The following TGFBR2 variants were observed in gnomAD, a reference collection of about 807,000 sequenced individuals.
The protein encoded by TGFBR2 is TGF-beta receptor type-2.
In TGFBR2, 18 loss-of-function variants were observed where a neutral mutation model predicts 49.0. The observed-to-expected ratio is 0.37, with a 90% confidence interval of 0.25 to 0.54. The LOEUF (loss-of-function observed/expected upper bound fraction) is 0.54, where lower values mean the gene tolerates loss of function less well. Ranked by LOEUF, TGFBR2 falls within the 20% of genes least tolerant of loss-of-function variation. The pLI is 0.85. For synonymous variants in TGFBR2, 282 were observed against 275.9 expected, an observed-to-expected ratio of 1.02 and a Z score of -0.22; for missense variants, 525 against 722.6, an observed-to-expected ratio of 0.73 and a Z score of 3.13.
intron 5 of TGFBR2, among the ~76,000 whole-genome samples, chr3:30,679,885 T>C (rs1181512429): frequency 6.6e-6 from 1 of 152,200 alleles, no homozygotes; most frequent in Non-Finnish European, 1.5e-5. Context: ...CCCAGCACTT[T>C]GGGATGCTGA....
rs149195553 is a variant in TGFBR2 at position 30,672,275 on chromosome 3, T to C, written c.1092T>C (p.Asp364=). The C allele has an allele frequency of 5.4e-5, 86 of 1,604,530 alleles. 1 individual carries two copies. The Admixed American group carries it at 1.2e-3, about 22-fold the overall frequency. ...LARGIAHLHS[D]HTPCGRPKMP... is the part of the protein sequence containing the mutation. ...GGGGGATTGCTCACCTCCACAGTGATCACACTCCATGTGGGAGGCCCAAGA... is the reference window on the plus strand; with the variant it reads ...GGGGGATTGCTCACCTCCACAGTGACCACACTCCATGTGGGAGGCCCAAGA... The change falls in exon 4 of 7, where the codon GAT becomes GAC. Residue 364 remains aspartate (D), a synonymous_variant. Transcript: ENST00000295754. The surrounding 1 kb of genome is among the most constrained non-coding windows in gnomAD (Gnocchi z 4.5).
chr3:30,688,460 G>A lies in TGFBR2; in HGVS notation c.1473G>A (p.Val491=), dbSNP rs752287982. 11 of 1,614,236 alleles carry A rather than the reference G, an allele frequency of 6.8e-6. No homozygotes were observed. Among genetic ancestry groups the A allele is most frequent in the Non-Finnish European group, 8.5e-6 (10 of 1,180,034 alleles). Residue 491 remains valine, a synonymous_variant, in exon 6 of 7, where the codon GTG becomes GTA. Transcript: ENST00000295754. ...GTGTCGAAAGCATGAAGGACAACGT[G>A]TTGAGAGATCGAGGGCGACCAGAAA... ...HPCVESMKDN[V]LRDRGRPEIP...
intron 1 of TGFBR2, among the ~76,000 whole-genome samples, chr3:30,607,290 G>C (rs1027299391): frequency 6.6e-6 from 1 of 152,246 alleles, no homozygotes; most frequent in African/African-American, 2.4e-5. Context: ...TTGAGAAGTT[G>C]GTTATCTGAA....
At chr3:30,636,157 G>T (rs1477363047) in intron 1 of TGFBR2, among the ~76,000 whole-genome samples, 2 of 48,604 alleles carry the variant, frequency 4.1e-5, no homozygotes, top group African/African-American at 1.8e-4. Context: ...ATATATGTAT[G>T]TGTGTGTGTG....
chr3:30,644,579 T>G (rs1442403431), intron 1 of TGFBR2, among the ~76,000 whole-genome samples, 168 bp from the exon 2 acceptor site: 1 of 152,172 alleles, frequency 6.6e-6, no homozygotes, highest in African/African-American at 2.4e-5. Flanking sequence ...TATTACAAAT[T>G]GCATACACCA....
chr3:30,650,113 C>G (rs181315564), intron 2 of TGFBR2, among the ~76,000 whole-genome samples, 157 bp from the exon 3 acceptor site: 1 of 152,122 alleles, frequency 6.6e-6, no homozygotes, highest in South Asian at 2.1e-4. Flanking sequence ...GGACAGCCTG[C>G]GAATGCTGGA....
At chr3:30,679,997 G>A (rs1006429347) in intron 5 of TGFBR2, among the ~76,000 whole-genome samples, 1 of 152,184 alleles carries the variant, frequency 6.6e-6, no homozygotes, top group Non-Finnish European at 1.5e-5. Flanking sequence ...ATGGTGGCGG[G>A]TGCCTGTAAT....
rs1451939394 is a variant in TGFBR2, at chr3:30,672,759, T to C, written c.1254+322T>C. On this transcript the variant is annotated intron_variant, in intron 4 of 6. Transcript: ENST00000295754. The surrounding 1 kb of genome is among the most constrained non-coding windows in gnomAD (Gnocchi z 4.5). ...ACTGTTAGTACTTTACCTCTATTTT[T>C]TCCCTCTCTTATGGTTGTACTCAGT... is the stretch of plus-strand genomic sequence containing the variant. Among the ~76,000 whole-genome samples, 1 of 152,198 alleles carries C rather than the reference T, an allele frequency of 6.6e-6. No individual in the cohort carries two copies. Among genetic ancestry groups the C allele is most frequent in the African/African-American group, 2.4e-5 (1 of 41,458 alleles).
intron 1 of TGFBR2, among the ~76,000 whole-genome samples, chr3:30,620,771 T>G (rs1205864510): frequency 1.3e-5 from 2 of 152,126 alleles, no homozygotes; most frequent in African/African-American, 4.8e-5. Context: ...GAGTCATAGA[T>G]GATTTCAGTC....
rs760495841 is a variant in TGFBR2 at position 30,648,461 on chromosome 3, C to CACAT, written c.264-1808_264-1807insCATA. Among the ~76,000 whole-genome samples, 22 of 79,284 alleles carry CACAT rather than the reference C, an allele frequency of 2.8e-4. 1 individual carries two copies. Among genetic ancestry groups the CACAT allele is most frequent in the African/African-American group, 8.7e-4 (20 of 22,934 alleles). 52.0% of individuals were successfully genotyped at this position (79,284 alleles called of 152,430 possible). A position where few individuals can be genotyped will look rare whatever the true frequency, so the allele number is the denominator to read the frequency against. ...ACACACACACACACACACACACACA[C>CACAT]AAAACTGTGGGGGCAGGGAGGAAGG... is the stretch of plus-strand genomic sequence containing the variant. On this transcript the variant is annotated intron_variant, in intron 2 of 6. Transcript: ENST00000295754.
chr3:30,642,714 C>G (rs908816290), intron 1 of TGFBR2, among the ~76,000 whole-genome samples: 1 of 151,310 alleles, frequency 6.6e-6, no homozygotes, highest in Non-Finnish European at 1.5e-5. Flanking sequence ...CGTGGTTTCA[C>G]TTTTTTTTTG....
At chr3:30,628,758 C>T (rs1263805016) in intron 1 of TGFBR2, among the ~76,000 whole-genome samples, 2 of 152,062 alleles carry the variant, frequency 1.3e-5, no homozygotes, top group Non-Finnish European at 2.9e-5. Context: ...TGACATGAGC[C>T]TTTACAGGTT....
intron 1 of TGFBR2, among the ~76,000 whole-genome samples, chr3:30,622,492 A>G (rs1698246705): frequency 6.6e-6 from 1 of 152,190 alleles, no homozygotes. Context: ...GAGAATATGT[A>G]AAATGTCTTT....
intron 1 of TGFBR2, among the ~76,000 whole-genome samples, chr3:30,610,751 A>G (rs1698014363): frequency 6.6e-6 from 1 of 152,216 alleles, no homozygotes; most frequent in South Asian, 2.1e-4. Flanking sequence ...AACATAGTAA[A>G]TGCTCAATAA....
chr3:30,680,440 A>G (rs1488722931), intron 5 of TGFBR2, among the ~76,000 whole-genome samples: 1 of 152,148 alleles, frequency 6.6e-6, no homozygotes, highest in Non-Finnish European at 1.5e-5. Context: ...TTGAGTACCT[A>G]TTGTGTCGCA....
rs1559458168 is a variant in TGFBR2, at chr3:30,648,453, CACACACA to C, written c.264-1816_264-1810del. Among the ~76,000 whole-genome samples, 21 of 136,790 alleles carry C rather than the reference CACACACA, an allele frequency of 1.5e-4. 2 individuals are homozygous for C. Among genetic ancestry groups the C allele is most frequent in the South Asian group, 4.6e-4 (2 of 4,348 alleles). 89.7% of individuals were successfully genotyped at this position (136,790 alleles called of 152,430 possible). A position where few individuals can be genotyped will look rare whatever the true frequency, so the allele number is the denominator to read the frequency against. On this transcript the variant is annotated intron_variant, in intron 2 of 6. Coordinates refer to ENST00000295754, the MANE Select transcript of TGFBR2 (RefSeq NM_003242.6). ...ACACACACACACACACACACACACA[CACACACA>C]CAAAACTGTGGGGGCAGGGAGGAAG...
rs186113615 is a variant in TGFBR2, at chr3:30,662,812, A to C, written c.455-8826A>C. On this transcript the variant is annotated intron_variant, in intron 3 of 6. Coordinates refer to ENST00000295754, the MANE Select transcript of TGFBR2 (RefSeq NM_003242.6). ...CAGAGCTTTGCAAACAATTCCACTA[A>C]GAAATTTTTTGTAGGAGGAAAGCAT... Among the ~76,000 whole-genome samples, 308 of 152,340 alleles carry C rather than the reference A, an allele frequency of 2.0e-3. 2 individuals carry two copies. Among genetic ancestry groups the C allele is most frequent in the Non-Finnish European group, 3.9e-3 (264 of 68,034 alleles).
chr3:30,629,171 T>C (rs935168271), intron 1 of TGFBR2, among the ~76,000 whole-genome samples: 5 of 152,236 alleles, frequency 3.3e-5, no homozygotes, highest in Admixed American at 2.6e-4. Flanking sequence ...ATCCTGTCTA[T>C]TCCTGGCCAC....
chr3:30,657,503 C>G (rs1445541963), intron 3 of TGFBR2, among the ~76,000 whole-genome samples: 1 of 152,122 alleles, frequency 6.6e-6, no homozygotes, highest in Non-Finnish European at 1.5e-5. Flanking sequence ...GCTCTTGGTT[C>G]TTGGGGTAAC....
Sources: gnomAD v4.1 joint callset for allele counts (sites outside exome capture counted in the v4.1 genomes callset) on GRCh38, gnomAD v4.1.1 for gene constraint, Gnocchi (gnomAD v3.1) non-coding constraint, MANE v1.5 for transcripts, NCBI Gene and HGNC (gene_info 2026-07-23, HGNC 2026-07-21) for gene names.